DOCK1: variants seen among roughly 807,000 people sequenced by gnomAD.
DOCK1 encodes dedicator of cytokinesis 1, also known as dedicator of cytokinesis protein 1.
A neutral mutation model predicts 262.7 loss-of-function variants in DOCK1; 138 were observed. The ratio of observed to expected loss-of-function variants is 0.53; its 90% confidence interval spans 0.46 to 0.61. The LOEUF (loss-of-function observed/expected upper bound fraction) is 0.61. Among genes scored for constraint, DOCK1 ranks in the 20% least tolerant of loss-of-function variants. The pLI is 0.00. For synonymous variants in DOCK1, 866 were observed against 867.4 expected, an observed-to-expected ratio of 1.00 and a Z score of 0.03; for missense variants, 1,908 against 2,370.7, an observed-to-expected ratio of 0.80 and a Z score of 4.05.
chr10:126,965,987 G>A (rs1404361922), intron 1 of DOCK1, among the ~76,000 whole-genome samples: 8 of 152,042 alleles, frequency 5.3e-5, no homozygotes, highest in Admixed American at 1.3e-4. Context: ...CTGTAATTTC[G>A]TATCCTTTAG....
At chr10:127,358,883 T>G (rs990061308) in intron 32 of DOCK1, among the ~76,000 whole-genome samples, 1 of 152,174 alleles carries the variant, frequency 6.6e-6, no homozygotes, top group Non-Finnish European at 1.5e-5. Flanking sequence ...AGGCCTTGGC[T>G]TCGTGAGAAA....
intron 47 of DOCK1, among the ~76,000 whole-genome samples, chr10:127,431,778 C>G (rs1025317723): frequency 6.6e-6 from 1 of 152,204 alleles, no homozygotes; most frequent in Non-Finnish European, 1.5e-5. Context: ...CGTGGCAGCG[C>G]GTGCTAGTTT....
chr10:127,133,495 G>C (rs560333958), intron 27 of DOCK1, among the ~76,000 whole-genome samples: 1 of 152,000 alleles, frequency 6.6e-6, no homozygotes. Flanking sequence ...TCATCCTAAC[G>C]TGTGTGTGTG....
intron 27 of DOCK1, among the ~76,000 whole-genome samples, chr10:127,128,974 G>A (rs1259272005): frequency 6.6e-6 from 1 of 152,136 alleles, no homozygotes; most frequent in Non-Finnish European, 1.5e-5. Context: ...GTTTTCCCTT[G>A]ACATCAGAGA....
At chr10:127,330,104 A>G (rs2062911948) in intron 29 of DOCK1, among the ~76,000 whole-genome samples, 1 of 152,142 alleles carries the variant, frequency 6.6e-6, no homozygotes, top group African/African-American at 2.4e-5. Flanking sequence ...GGAGCATTTT[A>G]AGGTCTTTTC....
intron 50 of DOCK1, 33 bp from the exon 51 acceptor site, chr10:127,447,361 C>A: frequency 6.3e-7 from 1 of 1,598,922 alleles, no homozygotes; most frequent in South Asian, 1.1e-5. Context: ...GTGGGGAAGT[C>A]GGGCTGATTT....
intron 1 of DOCK1, among the ~76,000 whole-genome samples, chr10:126,909,139 C>T (rs2031383690): frequency 6.6e-6 from 1 of 152,164 alleles, no homozygotes; most frequent in Non-Finnish European, 1.5e-5. Flanking sequence ...AGTTGTGAAA[C>T]AGGCAGTCAG....
chr10:127,181,673 G>C (rs1028019078), intron 27 of DOCK1, among the ~76,000 whole-genome samples: 8 of 152,278 alleles, frequency 5.3e-5, no homozygotes, highest in African/African-American at 1.9e-4. Context: ...ATATGCCAAG[G>C]GGGTGCCTGA....
chr10:127,226,315 C>T lies in DOCK1; in HGVS notation c.2848-21693C>T, dbSNP rs75591539. On this transcript the variant is annotated intron_variant, in intron 27 of 51. Transcript: ENST00000623213. ...TACCCTATCTACAGGTATTTCTTGG[C>T]GGTCAGTGAAGGATCAAACAAGAAC... 5.9e-5 allele frequency among the ~76,000 whole-genome samples: 9 copies of T among 152,142 alleles called. No homozygotes were observed. In the East Asian group the frequency reaches 1.4e-3, roughly 23 times the overall value.
At position 127,303,465 on chromosome 10, in the gene DOCK1, A is replaced by G. The variant is rs182283815; in HGVS notation, c.3045-35541A>G. Among the ~76,000 whole-genome samples, 200 of 152,198 alleles carry G rather than the reference A, an allele frequency of 1.3e-3. 1 individual carries two copies. The highest frequency in any genetic ancestry group is 1.5e-3 in the South Asian group (7 of 4,818). ...CAAAAAGAGTCTCTGTCAGTGCTCGATTTAGTTTTATTACTCAACACTGAT... is the reference window on the plus strand; with the variant it reads ...CAAAAAGAGTCTCTGTCAGTGCTCGGTTTAGTTTTATTACTCAACACTGAT... On this transcript the variant is annotated intron_variant, in intron 29 of 51. Coordinates refer to ENST00000623213, the MANE Select transcript of DOCK1 (RefSeq NM_001290223.2).
At chr10:127,118,902 G>T (rs971689089) in intron 25 of DOCK1, among the ~76,000 whole-genome samples, 2 of 152,212 alleles carry the variant, frequency 1.3e-5, no homozygotes, top group Non-Finnish European at 2.9e-5. Flanking sequence ...CTCTGGTACT[G>T]CTAACTTTCA....
intron 29 of DOCK1, among the ~76,000 whole-genome samples, chr10:127,290,375 G>A (rs528818413): frequency 2.6e-5 from 4 of 152,086 alleles, no homozygotes; most frequent in East Asian, 1.9e-4. Context: ...AATGAAGGTC[G>A]TGGTAGTTTT....
chr10:127,052,017 T>C (rs1055644852), intron 21 of DOCK1, among the ~76,000 whole-genome samples: 1 of 152,232 alleles, frequency 6.6e-6, no homozygotes, highest in African/African-American at 2.4e-5. Context: ...TCTTCGATTT[T>C]ATTGTTTAAC....
At chr10:127,381,842 A>G (rs1259907943) in intron 37 of DOCK1, among the ~76,000 whole-genome samples, 2 of 152,194 alleles carry the variant, frequency 1.3e-5, no homozygotes, top group Non-Finnish European at 2.9e-5. Context: ...TCTCTGCCTG[A>G]TTCTTCTAAG....
chr10:126,937,946 C>A (rs2034665921), intron 1 of DOCK1, among the ~76,000 whole-genome samples: 1 of 152,076 alleles, frequency 6.6e-6, no homozygotes. Flanking sequence ...CGAAGTTTTT[C>A]CCCTGTTTCC....
chr10:127,426,418 A>G (rs2068820780), intron 47 of DOCK1, among the ~76,000 whole-genome samples: 1 of 152,240 alleles, frequency 6.6e-6, no homozygotes, highest in African/African-American at 2.4e-5. Context: ...ACGACGGCCC[A>G]TGGCAGAGGT....
chr10:127,185,452 G>C (rs990074134), intron 27 of DOCK1, among the ~76,000 whole-genome samples: 1 of 152,132 alleles, frequency 6.6e-6, no homozygotes, highest in Non-Finnish European at 1.5e-5. Flanking sequence ...CTTGAACCAG[G>C]GAGTGGGAGG....
chr10:126,942,063 C>T (rs1019178198), intron 1 of DOCK1, among the ~76,000 whole-genome samples: 5,173 of 151,886 alleles, frequency 0.034, 311 homozygotes, highest in African/African-American at 0.12. Context: ...CTCGCTCTGT[C>T]GCCCAGGCTG....
At chr10:126,917,243 G>T (rs1476466935) in intron 1 of DOCK1, among the ~76,000 whole-genome samples, 2 of 152,242 alleles carry the variant, frequency 1.3e-5, no homozygotes, top group African/African-American at 4.8e-5. Context: ...CTCCGCTCAG[G>T]TTAGACTTTT....
Sources: allele counts gnomAD v4.1 joint callset (sites outside exome capture counted in the v4.1 genomes callset), GRCh38; gene constraint gnomAD v4.1.1; transcripts MANE v1.5; gene names NCBI Gene and HGNC (gene_info 2026-07-23, HGNC 2026-07-21).